EVL: variants seen among roughly 807,000 people sequenced by gnomAD.
EVL encodes the protein Enah/Vasp-like.
EVL carries 21 observed loss-of-function variants against 59.6 expected under a neutral mutation model. That is an observed-to-expected ratio of 0.35 (90% CI 0.25 to 0.51). The LOEUF (loss-of-function observed/expected upper bound fraction) is 0.51, where lower values mean the gene tolerates loss of function less well. Among genes scored for constraint, EVL ranks in the 20% least tolerant of loss-of-function variants. The pLI is 0.97. For missense variants in EVL, 462 were observed against 546.6 expected (o/e 0.85, Z 1.54); for synonymous variants, 198 against 203.5 (o/e 0.97, Z 0.23).
At chr14:99,983,134 C>T (rs769607364) in intron 1 of EVL, among the ~76,000 whole-genome samples, 1 of 152,124 alleles carries the variant, frequency 6.6e-6, no homozygotes, top group East Asian at 1.9e-4. Context: ...ATATTCTGCC[C>T]TTTTGTCAGA....
At chr14:100,050,360 TA>T (rs66949155) in intron 1 of EVL, among the ~76,000 whole-genome samples, 86,180 of 139,084 alleles carry the variant, frequency 0.62, 26,933 homozygotes, top group Admixed American at 0.7. Flanking sequence ...TTTATTTATT[TA>T]TTTTTTTTTA....
At chr14:100,033,226 A>G (rs923696304) in intron 1 of EVL, among the ~76,000 whole-genome samples, 4 of 152,260 alleles carry the variant, frequency 2.6e-5, no homozygotes, top group African/African-American at 9.6e-5. Context: ...GTCCTTACAT[A>G]TATAAATTAA....
At chr14:100,053,630 T>G (rs1483922143) in intron 1 of EVL, among the ~76,000 whole-genome samples, 1 of 152,214 alleles carries the variant, frequency 6.6e-6, no homozygotes, top group African/African-American at 2.4e-5. Flanking sequence ...TAAGAAACTT[T>G]ATGAGATTTT....
chr14:100,085,963 TA>T (rs368016022), intron 2 of EVL, among the ~76,000 whole-genome samples: 58 of 151,990 alleles, frequency 3.8e-4, no homozygotes, highest in African/African-American at 1.3e-3. Context: ...CCATCTCTAC[TA>T]AAAAATAAAA....
intron 1 of EVL, among the ~76,000 whole-genome samples, chr14:100,055,806 T>C (rs1595104618): frequency 1.3e-5 from 2 of 151,548 alleles, no homozygotes; most frequent in African/African-American, 4.9e-5. Flanking sequence ...TTTTCTTTTT[T>C]CTTTTTCTTT....
intron 3 of EVL, among the ~76,000 whole-genome samples, chr14:100,113,180 A>G (rs897240962): frequency 6.6e-6 from 1 of 152,154 alleles, no homozygotes; most frequent in Admixed American, 6.6e-5. Flanking sequence ...GCAACGGCAC[A>G]GAGGCATGTG....
chr14:100,030,553 T>C (rs1422372260), intron 1 of EVL, among the ~76,000 whole-genome samples: 1 of 152,246 alleles, frequency 6.6e-6, no homozygotes, highest in East Asian at 1.9e-4. Flanking sequence ...AGAGTACTTC[T>C]AGTCTTCCCC....
chr14:99,989,388 A>T (rs2060861276), intron 1 of EVL, among the ~76,000 whole-genome samples: 1 of 152,112 alleles, frequency 6.6e-6, no homozygotes, highest in African/African-American at 2.4e-5. Flanking sequence ...TTTGTTTTCT[A>T]CCTCTTAAAA....
chr14:100,067,754 C>G (rs2061963336), intron 1 of EVL, among the ~76,000 whole-genome samples: 1 of 152,188 alleles, frequency 6.6e-6, no homozygotes, highest in Non-Finnish European at 1.5e-5. Flanking sequence ...TTAGAGCTGC[C>G]TCTGTCCTCA....
At chr14:100,044,281 C>T (rs1366970657) in intron 1 of EVL, among the ~76,000 whole-genome samples, 2 of 152,174 alleles carry the variant, frequency 1.3e-5, no homozygotes, top group Admixed American at 6.5e-5. Flanking sequence ...AAACTCATGA[C>T]AGTAGTTGCC....
At chr14:100,129,707 A>G (rs758161580) in intron 7 of EVL, 23 bp downstream of exon 7, 14 of 1,534,364 alleles carry the variant, frequency 9.1e-6, no homozygotes, top group African/African-American at 8.2e-5. Flanking sequence ...ACCTCCCGAG[A>G]CTTGGTGTGC....
At chr14:100,036,023 C>A (rs1249393654) in intron 1 of EVL, among the ~76,000 whole-genome samples, 1 of 152,140 alleles carries the variant, frequency 6.6e-6, no homozygotes, top group Non-Finnish European at 1.5e-5. Flanking sequence ...CAGTTCGTGG[C>A]CTGTTAGGAA....
At chr14:99,992,864 C>T (rs1439228428) in intron 1 of EVL, among the ~76,000 whole-genome samples, 1 of 151,898 alleles carries the variant, frequency 6.6e-6, no homozygotes, top group Non-Finnish European at 1.5e-5. Flanking sequence ...GAGGTAGTTT[C>T]CTCTATTCTG....
intron 3 of EVL, among the ~76,000 whole-genome samples, chr14:100,098,068 C>T (rs540053889): frequency 5.3e-4 from 80 of 152,174 alleles, no homozygotes; most frequent in African/African-American, 9.9e-4. Context: ...GGCAAGAAAC[C>T]GTGTAGGCAA....
intron 1 of EVL, among the ~76,000 whole-genome samples, chr14:100,013,264 G>T (rs2061028332): frequency 6.6e-6 from 1 of 152,186 alleles, no homozygotes; most frequent in Non-Finnish European, 1.5e-5. Context: ...TTTAAAAATG[G>T]TTATTGATTG....
In EVL at chr14:100,109,544, C is replaced by T. The variant is rs768844673; in HGVS notation, c.358+11886C>T. On this transcript the variant is annotated intron_variant, in intron 3 of 13. Coordinates refer to ENST00000392920, the MANE Select transcript of EVL (RefSeq NM_016337.3). The surrounding 1 kb of genome is among the most constrained non-coding windows in gnomAD (Gnocchi z 4.3). ...GGTGACTGAACAAGCTCCCAGCTTG[C>T]GCCCATGTCATATTGTGTGCCTCTC... The T allele has an allele frequency of 1.7e-5, 8 of 471,410 alleles. No individual in the cohort carries two copies. Among genetic ancestry groups the T allele is most frequent in the Admixed American group, 2.3e-5 (1 of 42,594 alleles). The allele number at this position is 471,410 out of a possible 1,614,324, so 29.2% of individuals were successfully genotyped here.
chr14:100,091,544 G>A (rs1286143257), intron 2 of EVL, among the ~76,000 whole-genome samples: 1 of 152,214 alleles, frequency 6.6e-6, no homozygotes, highest in Non-Finnish European at 1.5e-5. Context: ...TTCCTGGAGG[G>A]GGGGCAGGCC....
intron 1 of EVL, chr14:100,019,566 T>A: frequency 9.3e-7 from 1 of 1,073,938 alleles, no homozygotes; most frequent in East Asian, 2.9e-5. Context: ...AAACCCCGCC[T>A]CATTTTTCTG....
At chr14:100,074,819 T>G (rs960053592) in intron 1 of EVL, 2 of 152,778 alleles carry the variant, frequency 1.3e-5, no homozygotes, top group Admixed American at 6.5e-5. Context: ...GGGAGAAGTT[T>G]CACACAGGAG....
Sources: gnomAD v4.1 joint callset for allele counts (sites outside exome capture counted in the v4.1 genomes callset) on GRCh38, gnomAD v4.1.1 for gene constraint, Gnocchi (gnomAD v3.1) non-coding constraint, MANE v1.5 for transcripts, NCBI Gene and HGNC (gene_info 2026-07-23, HGNC 2026-07-21) for gene names.